Variants in NCOA7 observed in about 807,000 individuals in gnomAD.
NCOA7 encodes the protein nuclear receptor coactivator 7, also known as 140 kDa estrogen receptor-associated protein.
A neutral mutation model predicts 104.3 loss-of-function variants in NCOA7; 45 were observed. The ratio of observed to expected loss-of-function variants is 0.43; its 90% CI spans 0.34 to 0.55. The LOEUF (loss-of-function observed/expected upper bound fraction) is 0.55, where lower values mean the gene tolerates loss of function less well. Among genes scored for constraint, NCOA7 ranks in the 20% least tolerant of loss-of-function variants. NCOA7 has a pLI of 0.02. For missense variants in NCOA7, 1,041 were observed against 1,119.7 expected (o/e 0.93, Z 1.00); for synonymous variants, 398 against 402.3 (o/e 0.99, Z 0.13).
chr6:125,843,282 C>T (rs1780325557), intron 2 of NCOA7, among the ~76,000 whole-genome samples: 1 of 152,126 alleles, frequency 6.6e-6, no homozygotes, highest in African/African-American at 2.4e-5. Flanking sequence ...AGTAATATAG[C>T]TCTAGAAGCT....
At chr6:125,787,136 A>C (rs1583208309), upstream of NCOA7, among the ~76,000 whole-genome samples, 4 of 151,970 alleles carry the variant, frequency 2.6e-5, no homozygotes, top group South Asian at 2.1e-4. Flanking sequence ...AAAAAAAAAA[A>C]AAAACAGAAA....
intron 2 of NCOA7, among the ~76,000 whole-genome samples, chr6:125,825,608 A>G (rs1002897343): frequency 2.6e-5 from 4 of 152,224 alleles, no homozygotes; most frequent in Non-Finnish European, 5.9e-5. Flanking sequence ...ATTTCAGATT[A>G]ATTTTGTTAG....
chr6:125,839,412 G>A (rs533469584), intron 2 of NCOA7, among the ~76,000 whole-genome samples: 11 of 151,184 alleles, frequency 7.3e-5, no homozygotes, highest in Middle Eastern at 6.8e-3. Context: ...GCCACTGCGC[G>A]AGGCCTAGGC....
chr6:125,816,610 G>A (rs1330707516), intron 2 of NCOA7, among the ~76,000 whole-genome samples: 1 of 152,142 alleles, frequency 6.6e-6, no homozygotes, highest in Non-Finnish European at 1.5e-5. Flanking sequence ...TAATGGATGA[G>A]GCACCAGAAA....
chr6:125,822,483 T>C (rs1362220317), intron 2 of NCOA7, among the ~76,000 whole-genome samples: 1 of 152,014 alleles, frequency 6.6e-6, no homozygotes, highest in African/African-American at 2.4e-5. Flanking sequence ...GTTCAGGAGG[T>C]GAAATAACTT....
intron 10 of NCOA7, among the ~76,000 whole-genome samples, chr6:125,898,191 A>G (rs530187971): frequency 6.6e-6 from 1 of 152,338 alleles, no homozygotes; most frequent in African/African-American, 2.4e-5. Context: ...AGTCATGAGT[A>G]CTGAGCTTTT....
chr6:125,861,976 G>T lies in NCOA7; in HGVS notation c.271+6736G>T, dbSNP rs191628461. ...CACTTGAACCCAGGAGGTGGAGGTT[G>T]CAGTGAGCCGAGATTCCACCATTGC... On this transcript the variant is annotated intron_variant, in intron 3 of 15. Coordinates refer to ENST00000392477, the MANE Select transcript of NCOA7 (RefSeq NM_181782.5). Among the ~76,000 whole-genome samples the T allele has an allele frequency of 4.6e-3, 535 of 115,796 alleles. 109 individuals carry two copies. The highest frequency in any genetic ancestry group is 0.021 in the African/African-American group (507 of 23,806). 76.0% of individuals were successfully genotyped at this position (115,796 alleles called of 152,430 possible). A position where few individuals can be genotyped will look rare whatever the true frequency, so the allele number is the denominator to read the frequency against.
At chr6:125,855,357 T>C in intron 3 of NCOA7, 117 bp downstream of exon 3, 1 of 762,580 alleles carries the variant, frequency 1.3e-6, no homozygotes, top group Non-Finnish European at 2.1e-6. Context: ...GCAGCTGCTA[T>C]GTGCCCCTGG....
chr6:125,835,930 C>G (rs534402134), intron 2 of NCOA7, among the ~76,000 whole-genome samples: 1 of 152,184 alleles, frequency 6.6e-6, no homozygotes, highest in Non-Finnish European at 1.5e-5. Context: ...TTTTTAGACA[C>G]TGTACATGTC....
intron 3 of NCOA7, among the ~76,000 whole-genome samples, chr6:125,856,851 C>G (rs1221665868): frequency 6.6e-6 from 1 of 152,088 alleles, no homozygotes; most frequent in South Asian, 2.1e-4. Context: ...TAAACTTGGT[C>G]CAAGGTAAGG....
chr6:125,886,373 G>T (rs1027849730), intron 8 of NCOA7, among the ~76,000 whole-genome samples: 1 of 152,138 alleles, frequency 6.6e-6, no homozygotes, highest in African/African-American at 2.4e-5. Context: ...ACAAATAGGG[G>T]CATTCCCTAC....
chr6:125,875,895 A>G (rs763319837), intron 4 of NCOA7, among the ~76,000 whole-genome samples: 1 of 151,964 alleles, frequency 6.6e-6, no homozygotes, highest in Non-Finnish European at 1.5e-5. Flanking sequence ...CATTACTACA[A>G]CTCCACACTG....
Position 125,862,800 on chromosome 6 carries a change from C to T in NCOA7, c.271+7560C>T, listed in dbSNP as rs1444328813. On this transcript the variant is annotated intron_variant, in intron 3 of 15. Transcript: ENST00000392477. The stretch of plus-strand genomic sequence containing the variant: ...AGGCAGATCACCTGATCAAGACCAG[C>T]CTGGCCAACATGGTGAAACCCTGTC... Among the ~76,000 whole-genome samples the T allele has an allele frequency of 1.4e-5, 2 of 138,328 alleles. 1 individual carries two copies. Among genetic ancestry groups the T allele is most frequent in the Non-Finnish European group, 3.1e-5 (2 of 64,966 alleles). 90.7% of individuals were successfully genotyped at this position (138,328 alleles called of 152,430 possible). A position where few individuals can be genotyped will look rare whatever the true frequency, so the allele number is the denominator to read the frequency against.
intron 1 of NCOA7, among the ~76,000 whole-genome samples, chr6:125,798,730 A>G (rs1276095003): frequency 6.6e-6 from 1 of 152,206 alleles, no homozygotes; most frequent in Non-Finnish European, 1.5e-5. Flanking sequence ...CACTAATGGG[A>G]TTATAAGAGA....
At chr6:125,885,469 C>T in intron 8 of NCOA7, 126 bp downstream of exon 8, 1 of 792,628 alleles carries the variant, frequency 1.3e-6, no homozygotes. Context: ...AAGACTTGTG[C>T]ACTGAAGAAA....
chr6:125,885,066 A>G (rs1443446258), intron 7 of NCOA7, 93 bp from the exon 8 acceptor site: 10 of 1,304,194 alleles, frequency 7.7e-6, no homozygotes, highest in East Asian at 2.3e-5. Flanking sequence ...CACAAAGTCC[A>G]TGGAGTGGCC....
Position 125,924,361 on chromosome 6 carries a change from G to A in NCOA7, c.2523+1527G>A, listed in dbSNP as rs553273309. The stretch of plus-strand genomic sequence containing the variant: ...GAAGGTTGCAGTCTTGTCACTGGGT[G>A]GAGTCTTGCTGAATCATGTACCCTG... On this transcript the variant is annotated intron_variant, in intron 13 of 15. Transcript: ENST00000392477. Among the ~76,000 whole-genome samples, 23 of 152,308 alleles carry A rather than the reference G, an allele frequency of 1.5e-4. No homozygotes were observed. In the South Asian group the frequency reaches 3.9e-3, roughly 26 times the overall value.
In NCOA7 at chr6:125,855,104, TA is replaced by T. The variant is rs1422275274; in HGVS notation, c.137del (p.Asn46IlefsTer3). On this transcript the variant is annotated frameshift_variant, in exon 3 of 16. Transcript: ENST00000392477. LOFTEE classifies it high-confidence loss of function. ...TRTHTGKEDN[N>X]TVVLEPDKCN... ...GGACTCATACTGGGAAGGAAGATAA[TA>T]ATACAGTAGTTTTAGAGCCAGACAA... 2 of 1,613,272 alleles carry T rather than the reference TA, an allele frequency of 1.2e-6. No individual in the cohort carries two copies. Among genetic ancestry groups the T allele is most frequent in the Non-Finnish European group, 1.7e-6 (2 of 1,179,868 alleles).
intron 2 of NCOA7, among the ~76,000 whole-genome samples, chr6:125,827,923 C>T (rs1285192899): frequency 1.3e-5 from 2 of 152,206 alleles, no homozygotes; most frequent in Non-Finnish European, 2.9e-5. Context: ...GTGCCATTAT[C>T]TGGAATGGGA....
Sources: allele counts gnomAD v4.1 joint callset (sites outside exome capture counted in the v4.1 genomes callset), GRCh38; gene constraint gnomAD v4.1.1; transcripts MANE v1.5; gene names NCBI Gene and HGNC (gene_info 2026-07-23, HGNC 2026-07-21).